ASPG: variants seen among roughly 807,000 people sequenced by gnomAD.
The protein encoded by ASPG is asparaginase, also known as 60 kDa lysophospholipase.
In ASPG, 53 loss-of-function variants were observed where a neutral mutation model predicts 63.2. The observed-to-expected ratio is 0.84, with a 90% CI of 0.67 to 1.05. The LOEUF (loss-of-function observed/expected upper bound fraction) is 1.05, where lower values mean the gene tolerates loss of function less well. Among genes scored for constraint, ASPG ranks in the 50% least tolerant of loss-of-function variants. ASPG has a pLI of 0.00. For synonymous variants in ASPG, 370 were observed against 355.0 expected (o/e 1.04, Z -0.48); for missense variants, 741 against 794.4 (o/e 0.93, Z 0.81).
At chr14:104,093,462 T>TTCCGCCTCCTGC in intron 2 of ASPG, 29 bp from the exon 3 acceptor site, 1 of 1,563,942 alleles carries the variant, frequency 6.4e-7, no homozygotes, top group Non-Finnish European at 8.8e-7. Context: ...GAGCCTGCTG[T>TTCCGCCTCCTGC]TCCGCCTCCT....
intron 4 of ASPG, among the ~76,000 whole-genome samples, chr14:104,096,937 ACG>A (rs1484625124): frequency 6.6e-6 from 1 of 152,144 alleles, no homozygotes; most frequent in Non-Finnish European, 1.5e-5. Context: ...CCCTCCTGGG[ACG>A]CGCTGTTCAG....
chr14:104,090,771 C>T (rs1372133684), intron 1 of ASPG, among the ~76,000 whole-genome samples: 1 of 152,246 alleles, frequency 6.6e-6, no homozygotes. Context: ...ACCTCCCGCC[C>T]CATGACCCCT....
chr14:104,111,483 CCT>C lies in ASPG; in HGVS notation c.1521-16_1521-15del. 6.5e-7 allele frequency: 1 copy of C among 1,545,700 alleles called. No homozygotes were observed. Among genetic ancestry groups the C allele is most frequent in the Non-Finnish European group, 8.7e-7 (1 of 1,143,348 alleles). On this transcript the variant is annotated splice_polypyrimidine_tract_variant and intron_variant, in intron 13 of 15. Transcript: ENST00000551177. ...TGCCCAGCAGGCCCCAACAACTCCT[CCT>C]CTGCCCCCACCCCCAGGCTGGCATA...
chr14:104,097,501 T>TC (rs2036645420), intron 4 of ASPG, 53 bp from the exon 5 acceptor site: 7 of 1,512,628 alleles, frequency 4.6e-6, no homozygotes, highest in African/African-American at 4.2e-5. Flanking sequence ...GAGCCAGACA[T>TC]CCCAGGCTTC....
chr14:104,085,880 G>C, intron 1 of ASPG, 28 bp downstream of exon 1: 2 of 1,556,326 alleles, frequency 1.3e-6, no homozygotes, highest in Non-Finnish European at 1.7e-6. Context: ...GGCGGGGTAG[G>C]CCTCTGGACC....
At chr14:104,092,161 A>AAT (rs2036387716) in intron 1 of ASPG, among the ~76,000 whole-genome samples, 1 of 152,010 alleles carries the variant, frequency 6.6e-6, no homozygotes, top group Non-Finnish European at 1.5e-5. Flanking sequence ...GGCATCTGGG[A>AAT]GGGCTTCCTG....
At chr14:104,099,800 C>T (rs1233563102) in intron 6 of ASPG, among the ~76,000 whole-genome samples, 5 of 152,252 alleles carry the variant, frequency 3.3e-5, no homozygotes, top group Non-Finnish European at 7.3e-5. Flanking sequence ...TGCCCTGTGT[C>T]TCATCCTGAC....
intron 6 of ASPG, 59 bp downstream of exon 6, chr14:104,099,038 T>G: frequency 6.5e-7 from 1 of 1,527,476 alleles, no homozygotes; most frequent in Non-Finnish European, 8.8e-7. Context: ...GGCGAGGGGC[T>G]GCTGCAGGGA....
At chr14:104,099,027 G>A (rs779668438) in intron 6 of ASPG, 48 bp downstream of exon 6, 54 of 1,536,606 alleles carry the variant, frequency 3.5e-5, no homozygotes, top group South Asian at 8.3e-5. Flanking sequence ...TGCTGGTGCT[G>A]GGCGAGGGGC....
At chr14:104,108,690 C>T in intron 12 of ASPG, 1 of 985,448 alleles carries the variant, frequency 1.0e-6, no homozygotes, top group South Asian at 4.7e-5. Flanking sequence ...AGCCCCGACC[C>T]CACCCCCACA....
intron 15 of ASPG, 133 bp from the exon 16 acceptor site, chr14:104,112,391 C>CAAG: frequency 1.4e-6 from 1 of 698,838 alleles, no homozygotes; most frequent in Admixed American, 2.1e-5. Flanking sequence ...GTTGTGTGGC[C>CAAG]CTCCCATAGT....
Position 104,093,548 on chromosome 14 carries a change from C to A in ASPG, c.249C>A (p.Phe83Leu), listed in dbSNP as rs775682696. 7 of 1,612,462 alleles carry A rather than the reference C, an allele frequency of 4.3e-6. No individual in the cohort carries two copies. The highest frequency in any genetic ancestry group is 1.7e-6 in the Non-Finnish European group (2 of 1,179,682). The change falls in exon 3 of 16, where the codon TTC (phenylalanine) becomes TTA (leucine). Residue 83 changes from phenylalanine (F) to leucine (L), a missense_variant. By Grantham distance (22) the Phe-to-Leu change is conservative. Coordinates refer to ENST00000551177, the MANE Select transcript of ASPG (RefSeq NM_001080464.3). ...CCGTGCTGGAGTGCCAGCCCCTCTT[C>A]GACTCCAGTGACATGACCATCGCTG... ...LYTVLECQPLFDSSDMTIAEW... is the reference protein window; with the variant it reads ...LYTVLECQPLLDSSDMTIAEW...
In ASPG at chr14:104,093,251, G is replaced by A. The variant is rs965486218; in HGVS notation, c.192-240G>A. ...CCAGCCCCCCTCTTCGAGCTGGTGT[G>A]GGAAGAAGACTGCTGGGAGTGGCCC... On this transcript the variant is annotated intron_variant, in intron 2 of 15. Transcript: ENST00000551177. 5.8e-5 allele frequency: 34 copies of A among 587,580 alleles called. No individual in the cohort carries two copies. In the African/African-American group the frequency reaches 6.3e-4, roughly 11 times the overall value. The allele number at this position is 587,580 out of a possible 1,614,324, so 36.4% of individuals were successfully genotyped here. A position where few individuals can be genotyped will look rare whatever the true frequency, so the allele number is the denominator to read the frequency against.
intron 14 of ASPG, 23 bp downstream of exon 14, chr14:104,111,624 C>A: frequency 1.9e-6 from 3 of 1,542,372 alleles, no homozygotes; most frequent in Non-Finnish European, 1.8e-6. Context: ...ACCCCCTGCA[C>A]CCTCTCCAAA....
chr14:104,111,590 G>A lies in ASPG; in HGVS notation c.1609G>A (p.Ala537Thr), dbSNP rs377060122. 5 of 1,549,972 alleles carry A rather than the reference G, an allele frequency of 3.2e-6. No individual in the cohort carries two copies. The highest frequency in any genetic ancestry group is 1.2e-5 in the South Asian group (1 of 83,964). The change falls in exon 14 of 16, where the codon GCC becomes ACC. Residue 537 changes from alanine to threonine, a missense_variant. Ala to Thr is a moderately conservative substitution (Grantham distance 58, BLOSUM62 0). Transcript: ENST00000551177. ...LGQPGYDGHS[A>T]LHVAEAAGNL... ...GCAGCCGGGCTATGACGGGCACAGC[G>A]CCCTGCACGTCGTGAGTGCCCCCAC... is the stretch of plus-strand genomic sequence containing the variant.
At position 104,110,777 on chromosome 14, in the gene ASPG, G is replaced by A. The variant is rs1231853011; in HGVS notation, c.1521-725G>A. 18 of 985,312 alleles carry A rather than the reference G, an allele frequency of 1.8e-5. No individual in the cohort carries two copies. Among genetic ancestry groups the A allele is most frequent in the South Asian group, 4.7e-5 (1 of 21,288 alleles). The allele number at this position is 985,312 out of a possible 1,614,324, so 61.0% of individuals were successfully genotyped here. On this transcript the variant is annotated intron_variant, in intron 13 of 15. Transcript: ENST00000551177. This position sits in a 1 kb window ranked among gnomAD's most constrained non-coding sequence, Gnocchi z 4.7. ...CCCAGCCCCTGCACACCATGGGTGG[G>A]TGGAGCCTTCCCTGCCGGGTCCCCA...
In ASPG at chr14:104,112,743, G is replaced by C; in HGVS notation, c.*199G>C. On this transcript the variant is annotated 3_prime_UTR_variant, in exon 16 of 16. Transcript: ENST00000551177. ...GTACAGCCTGGCTCTGAGAGGCTCTGTCTGGGTCCGGGACTGTGGATGTGT... is the reference window on the plus strand; with the variant it reads ...GTACAGCCTGGCTCTGAGAGGCTCTCTCTGGGTCCGGGACTGTGGATGTGT... The C allele has an allele frequency of 7.9e-7, 1 of 1,270,024 alleles. No individual in the cohort carries two copies. The highest frequency in any genetic ancestry group is 1.1e-6 in the Non-Finnish European group (1 of 928,110). The allele number at this position is 1,270,024 out of a possible 1,614,324, so 78.7% of individuals were successfully genotyped here.
chr14:104,095,860 G>C (rs1596075367), intron 4 of ASPG, among the ~76,000 whole-genome samples: 1 of 152,132 alleles, frequency 6.6e-6, no homozygotes, highest in Non-Finnish European at 1.5e-5. Flanking sequence ...GCAGGAGGGG[G>C]GTCATCTCCT....
Position 104,111,583 on chromosome 14 carries a change from G to T in ASPG, c.1602G>T (p.Gly534=). The T allele has an allele frequency of 1.3e-6, 2 of 1,550,742 alleles. No homozygotes were observed. Among genetic ancestry groups the T allele is most frequent in the Non-Finnish European group, 1.7e-6 (2 of 1,147,128 alleles). The change falls in exon 14 of 16, where the codon GGG becomes GGT. Residue 534 remains glycine, a synonymous_variant. Transcript: ENST00000551177. ...GADLGQPGYD[G]HSALHVAEAA... is the part of the protein sequence containing the mutation. ...ACCTGGGGCAGCCGGGCTATGACGG[G>T]CACAGCGCCCTGCACGTCGTGAGTG... is the stretch of plus-strand genomic sequence containing the variant.
Sources: allele counts gnomAD v4.1 joint callset (sites outside exome capture counted in the v4.1 genomes callset), GRCh38; gene constraint gnomAD v4.1.1; non-coding constraint Gnocchi (gnomAD v3.1); transcripts MANE v1.5; gene names NCBI Gene and HGNC (gene_info 2026-07-23, HGNC 2026-07-21).